Variants in SUZ12 observed in about 807,000 individuals in gnomAD.
SUZ12 encodes polycomb protein SUZ12.
Under a neutral mutation model 87.3 loss-of-function variants are expected in SUZ12, and 17 were observed. The observed-to-expected ratio is 0.19, with a 90% CI of 0.13 to 0.29. The LOEUF (loss-of-function observed/expected upper bound fraction) is 0.29. SUZ12 is among the 10% of genes least tolerant of loss of function. The pLI, the probability that SUZ12 is intolerant of heterozygous loss-of-function variation, is 1.00. For synonymous variants in SUZ12, 253 were observed against 312.4 expected (o/e 0.81, Z 2.01); for missense variants, 526 against 912.2 (o/e 0.58, Z 5.45).
chr17:31,983,536 T>C (rs1001056997), intron 9 of SUZ12, among the ~76,000 whole-genome samples: 3 of 152,172 alleles, frequency 2.0e-5, no homozygotes, highest in African/African-American at 4.8e-5. Flanking sequence ...CACCTTGGCC[T>C]CCCAAAGCGC....
intron 8 of SUZ12, among the ~76,000 whole-genome samples, chr17:31,979,526 A>AT (rs1908972519): frequency 6.6e-6 from 1 of 151,932 alleles, no homozygotes; most frequent in Non-Finnish European, 1.5e-5. Flanking sequence ...CTTCTGTGAC[A>AT]TTTTTCCCCC....
At chr17:31,955,202 A>G (rs1189127591) in intron 4 of SUZ12, among the ~76,000 whole-genome samples, 1 of 152,132 alleles carries the variant, frequency 6.6e-6, no homozygotes, top group Non-Finnish European at 1.5e-5. Flanking sequence ...TCCTGGGCTC[A>G]AGTAACCCTC....
intron 10 of SUZ12, 111 bp from the exon 11 acceptor site, chr17:31,993,131 A>G: frequency 1.5e-6 from 1 of 652,730 alleles, no homozygotes; most frequent in Non-Finnish European, 2.5e-6. Flanking sequence ...ATATTTAAAT[A>G]CCACAAGTAG....
intron 5 of SUZ12, among the ~76,000 whole-genome samples, chr17:31,969,463 T>C (rs1908289075): frequency 6.6e-6 from 1 of 151,794 alleles, no homozygotes; most frequent in Non-Finnish European, 1.5e-5. Context: ...CTAATTTTTA[T>C]ATTTTTAATG....
chr17:31,993,664 A>C (rs1284376972), intron 11 of SUZ12, among the ~76,000 whole-genome samples: 2 of 152,054 alleles, frequency 1.3e-5, no homozygotes, highest in Non-Finnish European at 2.9e-5. Flanking sequence ...TACATTTGAC[A>C]GTGTCTGCCT....
intron 14 of SUZ12, among the ~76,000 whole-genome samples, chr17:31,996,578 C>G (rs1909988791): frequency 6.6e-6 from 1 of 152,164 alleles, no homozygotes; most frequent in Admixed American, 6.5e-5. Context: ...GAGATCGTGC[C>G]ACTGTACTTC....
At position 31,988,417 on chromosome 17, in the gene SUZ12, C is replaced by G; in HGVS notation, c.1121C>G (p.Ala374Gly). 1 of 1,613,878 alleles carries G rather than the reference C, an allele frequency of 6.2e-7. No individual in the cohort carries two copies. Among genetic ancestry groups the G allele is most frequent in the Non-Finnish European group, 8.5e-7 (1 of 1,179,952 alleles). ...ETNDKSTAPIAKPLATRNSES... is the reference protein window; with the variant it reads ...ETNDKSTAPIGKPLATRNSES... ...AATGATAAATCTACGGCTCCTATTG[C>G]CAAACCTCTTGCCACTAGAAATTCA... The change falls in exon 10 of 16, where the codon GCC becomes GGC. Residue 374 changes from alanine to glycine, a missense_variant. Coordinates refer to ENST00000322652, the MANE Select transcript of SUZ12 (RefSeq NM_015355.4).
At chr17:31,968,787 A>G (rs140909612) in intron 5 of SUZ12, among the ~76,000 whole-genome samples, 1 of 152,208 alleles carries the variant, frequency 6.6e-6, no homozygotes, top group African/African-American at 2.4e-5. Flanking sequence ...TTTGAATTTT[A>G]TACATTCATT....
At chr17:31,948,443 A>AG (rs1474743563) in intron 4 of SUZ12, among the ~76,000 whole-genome samples, 1 of 152,208 alleles carries the variant, frequency 6.6e-6, no homozygotes, top group African/African-American at 2.4e-5. Context: ...TAAAAATATT[A>AG]GATTCTTGAA....
At chr17:31,954,582 G>A (rs1907193088) in intron 4 of SUZ12, among the ~76,000 whole-genome samples, 1 of 151,890 alleles carries the variant, frequency 6.6e-6, no homozygotes, top group Non-Finnish European at 1.5e-5. Flanking sequence ...GGAGCTTAGT[G>A]TTAGGGGAGA....
chr17:31,981,996 T>A (rs1010146756), intron 8 of SUZ12, among the ~76,000 whole-genome samples: 1 of 152,246 alleles, frequency 6.6e-6, no homozygotes, highest in Non-Finnish European at 1.5e-5. Context: ...TTTCTTGATA[T>A]ATACAGTTAA....
At chr17:31,946,840 AC>A (rs1436619313) in intron 3 of SUZ12, among the ~76,000 whole-genome samples, 1 of 152,152 alleles carries the variant, frequency 6.6e-6, no homozygotes, top group Non-Finnish European at 1.5e-5. Context: ...GAGAAGTTAT[AC>A]TTAAGTTTCT....
intron 4 of SUZ12, among the ~76,000 whole-genome samples, chr17:31,961,783 A>G (rs1247305854): frequency 6.6e-6 from 1 of 152,216 alleles, no homozygotes; most frequent in African/African-American, 2.4e-5. Context: ...TCTCTGGGGT[A>G]AATAAATGTA....
intron 4 of SUZ12, among the ~76,000 whole-genome samples, chr17:31,956,675 C>T: frequency 6.6e-6 from 1 of 152,058 alleles, no homozygotes; most frequent in East Asian, 1.9e-4. Context: ...TATTGCACTT[C>T]TCGCCTAGTA....
At chr17:31,944,689 T>G (rs1906515442) in intron 3 of SUZ12, among the ~76,000 whole-genome samples, 1 of 152,114 alleles carries the variant, frequency 6.6e-6, no homozygotes, top group Non-Finnish European at 1.5e-5. Context: ...AGGCTAGGCA[T>G]GGTGTTTCAG....
intron 5 of SUZ12, among the ~76,000 whole-genome samples, chr17:31,969,129 A>G (rs558383861): frequency 3.4e-4 from 51 of 152,088 alleles, no homozygotes; most frequent in African/African-American, 8.9e-4. Context: ...GGCGGGTGCC[A>G]CCACACAAGC....
At chr17:31,959,424 G>A (rs781556363) in intron 4 of SUZ12, among the ~76,000 whole-genome samples, 1 of 152,120 alleles carries the variant, frequency 6.6e-6, no homozygotes, top group Non-Finnish European at 1.5e-5. Context: ...CCACCATTGA[G>A]CTTTATCTTC....
intron 4 of SUZ12, among the ~76,000 whole-genome samples, chr17:31,948,006 C>CA (rs1225630048): frequency 6.6e-6 from 1 of 152,088 alleles, no homozygotes; most frequent in Non-Finnish European, 1.5e-5. Context: ...GAGGGATACT[C>CA]ACATTTATAG....
chr17:31,986,868 T>G (rs980814664), intron 9 of SUZ12, among the ~76,000 whole-genome samples: 2 of 152,190 alleles, frequency 1.3e-5, no homozygotes, highest in African/African-American at 2.4e-5. Flanking sequence ...TAAATAGTTT[T>G]AAGAGGATTA....
Sources: gnomAD v4.1 joint callset for allele counts (sites outside exome capture counted in the v4.1 genomes callset) on GRCh38, gnomAD v4.1.1 for gene constraint, MANE v1.5 for transcripts, NCBI Gene and HGNC (gene_info 2026-07-23, HGNC 2026-07-21) for gene names.